Variants in PDCD4 observed in about 807,000 individuals in gnomAD.
The protein encoded by PDCD4 is programmed cell death 4.
A neutral mutation model predicts 54.0 loss-of-function variants in PDCD4; 56 were observed. The observed-to-expected ratio is 1.04, with a 90% CI of 0.84 to 1.30. The LOEUF is 1.30. PDCD4 is among the 50% of genes most tolerant of loss of function. PDCD4 has a pLI of 0.00. For synonymous variants in PDCD4, 186 were observed against 194.8 expected (o/e 0.95, Z 0.37); for missense variants, 584 against 559.8 (o/e 1.04, Z -0.44).
rs1333829858 is a variant in PDCD4, at chr10:110,898,722, A to G, written c.*634A>G. ...GTTCTAGAAGAATGTACACCAAAAT[A>G]AAACATGTGAAGCAGTATTGATTCT... On this transcript the variant is annotated 3_prime_UTR_variant, in exon 12 of 12. Coordinates refer to ENST00000280154, the MANE Select transcript of PDCD4 (RefSeq NM_014456.5). 1 of 152,632 alleles carries G rather than the reference A, an allele frequency of 6.6e-6. No individual in the cohort carries two copies. The highest frequency in any genetic ancestry group is 1.5e-5 in the Non-Finnish European group (1 of 68,012). The allele number at this position is 152,632 out of a possible 1,614,324, so 9.5% of individuals were successfully genotyped here. A position where few individuals can be genotyped will look rare whatever the true frequency, so the allele number is the denominator to read the frequency against.
intron 1 of PDCD4, among the ~76,000 whole-genome samples, chr10:110,874,551 G>T (rs113740896): frequency 1.3e-5 from 2 of 151,756 alleles, no homozygotes; most frequent in Non-Finnish European, 2.9e-5. Context: ...AAAGTTGGCG[G>T]GAGTTATAGT....
rs138747298 is a variant in PDCD4 at position 110,883,041 on chromosome 10, C to T, written c.385C>T (p.Gln129Ter). The T allele has an allele frequency of 6.2e-7, 1 of 1,601,328 alleles. No individual in the cohort carries two copies. Among genetic ancestry groups the T allele is most frequent in the African/African-American group, 1.4e-5 (1 of 73,652 alleles). Reference protein sequence around the residue: ...GGKGVWGTPGQVYDVEEVDVK... With the variant: ...GGKGVWGTPG ...CAAAGGTGTCTGGGGTACACCTGGA[C>T]AGGTGTATGATGTGGAGGAGGTGGA... Residue 129 changes from glutamine to a stop codon, truncating the protein, a stop_gained, in exon 4 of 12, where the codon CAG becomes TAG. Transcript: ENST00000280154. LOFTEE classifies it high-confidence loss of function.
chr10:110,890,891 T>C, intron 8 of PDCD4: 1 of 347,334 alleles, frequency 2.9e-6, no homozygotes, highest in Non-Finnish European at 5.1e-6. Flanking sequence ...TGAATAATTA[T>C]AAGCAAGCCA....
At chr10:110,880,637 T>C (rs1845576374) in intron 2 of PDCD4, among the ~76,000 whole-genome samples, 1 of 152,220 alleles carries the variant, frequency 6.6e-6, no homozygotes, top group South Asian at 2.1e-4. Flanking sequence ...TCATTCTCTT[T>C]TGGATTACTA....
chr10:110,894,314 TATTAA>T (rs1367771631), intron 9 of PDCD4, 93 bp from the exon 10 acceptor site: 1 of 890,254 alleles, frequency 1.1e-6, no homozygotes, highest in Non-Finnish European at 1.8e-6. Context: ...AGGAAGTGGT[TATTAA>T]ATTTCTACGA....
At position 110,890,660 on chromosome 10, in the gene PDCD4, T is replaced by G. The variant is rs1272293316; in HGVS notation, c.980T>G (p.Leu327Arg). The change falls in exon 8 of 12, where the codon CTT becomes CGT. Residue 327 changes from leucine to arginine, a missense_variant. Coordinates refer to ENST00000280154, the MANE Select transcript of PDCD4 (RefSeq NM_014456.5). ...SGGGQQSVNH[L>R]VKEIDMLLKE... ...GGTGGGCAGCAATCTGTCAATCACCTTGTTAAAGAGGTAATGATTGGGTAT... is the reference window on the plus strand; with the variant it reads ...GGTGGGCAGCAATCTGTCAATCACCGTGTTAAAGAGGTAATGATTGGGTAT... The G allele has an allele frequency of 6.3e-7, 1 of 1,593,892 alleles. No individual in the cohort carries two copies. Among genetic ancestry groups the G allele is most frequent in the Non-Finnish European group, 8.6e-7 (1 of 1,162,610 alleles).
chr10:110,894,780 C>A (rs557305002), intron 10 of PDCD4, among the ~76,000 whole-genome samples: 1 of 146,312 alleles, frequency 6.8e-6, no homozygotes, highest in East Asian at 2.0e-4. Flanking sequence ...CTCAAGGGTT[C>A]GGTTTCTAAG....
rs542292217 is a variant in PDCD4 at position 110,873,235 on chromosome 10, T to C, written c.-63+1217T>C. Among the ~76,000 whole-genome samples, 31 of 152,350 alleles carry C rather than the reference T, an allele frequency of 2.0e-4. No homozygotes were observed. The South Asian group carries it at 3.5e-3, about 17-fold the overall frequency. ...ATGTGAAAGGAAAAAATATTAGGAC[T>C]GCAAAAATAAATGCCGCTTGAATAT... is the stretch of plus-strand genomic sequence containing the variant. On this transcript the variant is annotated intron_variant, in intron 1 of 11. Coordinates refer to ENST00000280154, the MANE Select transcript of PDCD4 (RefSeq NM_014456.5).
chr10:110,894,010 T>C (rs1455694232), intron 8 of PDCD4, 81 bp from the exon 9 acceptor site: 2 of 779,284 alleles, frequency 2.6e-6, no homozygotes, highest in East Asian at 5.0e-5. Flanking sequence ...TATATTGGAA[T>C]GAGGGCAAAT....
At chr10:110,878,809 A>T (rs1212213712) in intron 2 of PDCD4, among the ~76,000 whole-genome samples, 1 of 152,178 alleles carries the variant, frequency 6.6e-6, no homozygotes, top group Non-Finnish European at 1.5e-5. Context: ...TAGACCACAT[A>T]TGTAAAGTGC....
At position 110,895,961 on chromosome 10, in the gene PDCD4, T is replaced by A. The variant is rs1381157237; in HGVS notation, c.1223T>A (p.Ile408Asn). ...TCATTGTTGTAGGGTTATGAGAGAA[T>A]TTACAATGAAATTCCGGACATTAAT... is the stretch of plus-strand genomic sequence containing the variant. The part of the protein sequence containing the change: ...VDQMKRGYER[I>N]YNEIPDINLD... The change falls in exon 11 of 12, where the codon ATT (isoleucine) becomes AAT (asparagine). Residue 408 changes from isoleucine (I) to asparagine (N), a missense_variant. By Grantham distance (149) the Ile-to-Asn change is moderately radical (BLOSUM62 -3). Transcript: ENST00000280154. 6.2e-7 allele frequency: 1 copy of A among 1,600,918 alleles called. No individual in the cohort carries two copies. The highest frequency in any genetic ancestry group is 1.3e-5 in the African/African-American group (1 of 74,090).
At chr10:110,888,050 C>A (rs1845697197) in intron 6 of PDCD4, among the ~76,000 whole-genome samples, 164 bp downstream of exon 6, 1 of 151,556 alleles carries the variant, frequency 6.6e-6, no homozygotes, top group Admixed American at 6.6e-5. Context: ...TTTCCTAGTT[C>A]TTTTGTTTTT....
chr10:110,893,619 T>C (rs1477872600), intron 8 of PDCD4, among the ~76,000 whole-genome samples: 9 of 150,706 alleles, frequency 6.0e-5, no homozygotes. Context: ...AGAGAAACTA[T>C]GTGGAAATCT....
At chr10:110,883,448 A>G (rs1483877971) in intron 4 of PDCD4, among the ~76,000 whole-genome samples, 1 of 152,198 alleles carries the variant, frequency 6.6e-6, no homozygotes, top group Non-Finnish European at 1.5e-5. Context: ...TAACTATATA[A>G]TACATTTTGT....
In PDCD4 at chr10:110,897,902, T is replaced by G. The variant is rs1282634630; in HGVS notation, c.1350-126T>G. The G allele has an allele frequency of 3.9e-5, 20 of 517,574 alleles. No individual in the cohort carries two copies. The East Asian group carries it at 5.9e-4, about 15-fold the overall frequency. The allele number at this position is 517,574 out of a possible 1,614,324, so 32.1% of individuals were successfully genotyped here. On this transcript the variant is annotated intron_variant, in intron 11 of 11. Coordinates refer to ENST00000280154, the MANE Select transcript of PDCD4 (RefSeq NM_014456.5). ...AAAGGAATTAGAGGCATGCTTTTTT[T>G]TTTTAATGGAAAACCCTTTAAAAGC...
rs12248600 is a variant in PDCD4 at position 110,884,309 on chromosome 10, T to A, written c.442-944T>A. 6.0e-4 allele frequency among the ~76,000 whole-genome samples: 91 copies of A among 152,306 alleles called. 1 individual carries two copies. The highest frequency in any genetic ancestry group is 3.4e-3 in the Middle Eastern group (1 of 294). On this transcript the variant is annotated intron_variant, in intron 4 of 11. Coordinates refer to ENST00000280154, the MANE Select transcript of PDCD4 (RefSeq NM_014456.5). ...TATTGGGTTCGGTACTATCTGTGGT[T>A]TAAGGCATCCTCGGACGGGGCTTGG...
At position 110,876,024 on chromosome 10, in the gene PDCD4, GA is replaced by G; in HGVS notation, c.1del. 2 of 1,608,648 alleles carry G rather than the reference GA, an allele frequency of 1.2e-6. No homozygotes were observed. Among genetic ancestry groups the G allele is most frequent in the Non-Finnish European group, 1.7e-6 (2 of 1,176,244 alleles). On this transcript the variant is annotated 5_prime_UTR_variant, in exon 2 of 12. Transcript: ENST00000280154. ...TTAATCAGTGCAAGCGAAATTAAGG[GA>G]AAATGGATGTAGAAAATGAGCAGAT...
intron 3 of PDCD4, 101 bp from the exon 4 acceptor site, chr10:110,882,902 A>G (rs1400177758): frequency 1.2e-5 from 9 of 745,952 alleles, no homozygotes; most frequent in Non-Finnish European, 9.0e-6. Context: ...GTTAAATACA[A>G]TTTTTTTTTA....
chr10:110,896,133 G>A (rs769266087), intron 11 of PDCD4, 46 bp downstream of exon 11: 2 of 1,425,016 alleles, frequency 1.4e-6, no homozygotes, highest in South Asian at 2.6e-5. Flanking sequence ...TAGTGGATGA[G>A]ATCTTTGGGA....
Sources: allele counts gnomAD v4.1 joint callset (sites outside exome capture counted in the v4.1 genomes callset), GRCh38; gene constraint gnomAD v4.1.1; transcripts MANE v1.5; gene names NCBI Gene and HGNC (gene_info 2026-07-23, HGNC 2026-07-21).